The following FAM47E variants were observed in gnomAD, a reference collection of about 807,000 sequenced individuals.
The protein encoded by FAM47E is protein FAM47E.
FAM47E carries 32 observed loss-of-function variants against 41.6 expected under a neutral mutation model. That is an observed-to-expected ratio of 0.77 (90% confidence interval 0.58 to 1.03). The LOEUF (loss-of-function observed/expected upper bound fraction) is 1.03, where lower values mean the gene tolerates loss of function less well. FAM47E is among the 50% of genes least tolerant of loss of function. The pLI, the probability that FAM47E is intolerant of heterozygous loss-of-function variation, is 0.00. For synonymous variants in FAM47E, 184 were observed against 188.7 expected, an observed-to-expected ratio of 0.98 and a Z score of 0.20; for missense variants, 424 against 485.4, an observed-to-expected ratio of 0.87 and a Z score of 1.19.
chr4:76,256,562 G>A (rs1480234596), intron 2 of FAM47E, 39 bp downstream of exon 2: 1 of 1,491,358 alleles, frequency 6.7e-7, no homozygotes, highest in African/African-American at 1.4e-5. Flanking sequence ...GCTTCACTGG[G>A]GCCTTGCAAA....
intron 2 of FAM47E, among the ~76,000 whole-genome samples, chr4:76,256,787 G>A (rs768549457): frequency 3.3e-5 from 5 of 152,098 alleles, no homozygotes; most frequent in Admixed American, 6.5e-5. Flanking sequence ...AACCAGAAAC[G>A]TATGACTTCT....
In FAM47E at chr4:76,256,232, GC is replaced by G. The variant is rs945977903; in HGVS notation, c.130del (p.Gln44SerfsTer23). 19 of 1,551,590 alleles carry G rather than the reference GC, an allele frequency of 1.2e-5. No homozygotes were observed. In the Admixed American group the frequency reaches 3.7e-4, roughly 30 times the overall value. ...AGTTCCCCACCTCTCTGCACAGCCG[GC>G]AGTTGGTATTTCCAAGAAAGGGGCT... ...LKFPTSLHSR[Q>X]LVFPRKGLDD... On this transcript the variant is annotated frameshift_variant, in exon 2 of 8. Coordinates refer to ENST00000424749, the MANE Select transcript of FAM47E (RefSeq NM_001136570.3). LOFTEE classifies it high-confidence loss of function.
intron 6 of FAM47E, chr4:76,279,422 T>C (rs559974894): frequency 6.6e-6 from 1 of 152,338 alleles, no homozygotes; most frequent in South Asian, 2.1e-4. Flanking sequence ...ACATATTTCA[T>C]TTTGATGACA....
At chr4:76,266,814 C>G (rs181264254) in intron 3 of FAM47E, among the ~76,000 whole-genome samples, 1 of 152,196 alleles carries the variant, frequency 6.6e-6, no homozygotes, top group East Asian at 1.9e-4. Context: ...TTAATTACTC[C>G]GCTCCACGGG....
intron 2 of FAM47E, among the ~76,000 whole-genome samples, chr4:76,245,659 G>A (rs749914653): frequency 7.2e-5 from 11 of 152,156 alleles, no homozygotes; most frequent in Admixed American, 2.0e-4. Context: ...GTTTGACTAA[G>A]TCCTTTCAGA....
At chr4:76,218,508 C>T (rs754965502) in intron 2 of FAM47E, among the ~76,000 whole-genome samples, 42 of 152,190 alleles carry the variant, frequency 2.8e-4, no homozygotes, top group Non-Finnish European at 5.3e-4. Flanking sequence ...CCGCCTCCTC[C>T]GATCAAGAAG....
chr4:76,272,202 G>C (rs1263741712), intron 5 of FAM47E, among the ~76,000 whole-genome samples: 1 of 152,172 alleles, frequency 6.6e-6, no homozygotes, highest in South Asian at 2.1e-4. Flanking sequence ...CTTGCCTAAT[G>C]ATTAACAAGT....
intron 2 of FAM47E, among the ~76,000 whole-genome samples, chr4:76,244,350 T>C (rs911520312): frequency 6.6e-6 from 1 of 152,094 alleles, no homozygotes; most frequent in African/African-American, 2.4e-5. Context: ...TAATTTACAC[T>C]CCCACCAACA....
At chr4:76,216,130 G>A (rs1015976595) in intron 1 of FAM47E, among the ~76,000 whole-genome samples, 3 of 152,064 alleles carry the variant, frequency 2.0e-5, no homozygotes, top group African/African-American at 4.8e-5. Flanking sequence ...GTCCACAATC[G>A]GCAGCCTTTC....
intron 2 of FAM47E, among the ~76,000 whole-genome samples, chr4:76,228,402 C>A (rs1393570397): frequency 1.3e-5 from 2 of 151,706 alleles, no homozygotes; most frequent in East Asian, 3.9e-4. Flanking sequence ...TCACTTGAAC[C>A]CGGAAGGTGA....
intron 2 of FAM47E, among the ~76,000 whole-genome samples, chr4:76,237,904 A>T (rs144634631): frequency 2.0e-5 from 3 of 152,188 alleles, no homozygotes; most frequent in African/African-American, 4.8e-5. Context: ...CCGTGATCCA[A>T]TCACCTCCCA....
At chr4:76,269,095 A>C in intron 4 of FAM47E, 1 of 256,368 alleles carries the variant, frequency 3.9e-6, no homozygotes, top group South Asian at 8.6e-5. Context: ...TCTCTCTTTC[A>C]CTCCTTCAAC....
At position 76,281,956 on chromosome 4, in the gene FAM47E, C is replaced by T. The variant is rs1197045197; in HGVS notation, c.1105-1425C>T. 58 of 152,024 alleles carry T rather than the reference C, an allele frequency of 3.8e-4. 1 individual carries two copies. Among genetic ancestry groups the T allele is most frequent in the Non-Finnish European group, 5.9e-5 (4 of 67,982 alleles). 9.4% of individuals were successfully genotyped at this position (152,024 alleles called of 1,614,324 possible). ...CATTTATTATTAAGTTTAGTGAGGG[C>T]GGGGGTAGGTTAGTGAGAGATTTAG... On this transcript the variant is annotated intron_variant, in intron 7 of 7. Transcript: ENST00000424749.
intron 2 of FAM47E, among the ~76,000 whole-genome samples, chr4:76,229,232 T>C (rs1325589997): frequency 6.6e-6 from 1 of 152,224 alleles, no homozygotes; most frequent in Non-Finnish European, 1.5e-5. Flanking sequence ...TGGAAAATTG[T>C]TCATCCATGT....
intron 2 of FAM47E, among the ~76,000 whole-genome samples, chr4:76,229,582 G>A (rs559530982): frequency 3.3e-5 from 5 of 152,146 alleles, no homozygotes; most frequent in Non-Finnish European, 7.3e-5. Flanking sequence ...TGGCTTTCTG[G>A]GAGCTGAACT....
intron 2 of FAM47E, among the ~76,000 whole-genome samples, chr4:76,226,232 AAAG>A (rs1393561501): frequency 1.3e-5 from 2 of 152,186 alleles, no homozygotes; most frequent in Admixed American, 6.5e-5. Context: ...GTAATCAAAC[AAAG>A]AAGCAGGTGG....
At chr4:76,236,046 G>C (rs995856107) in intron 2 of FAM47E, among the ~76,000 whole-genome samples, 1 of 152,194 alleles carries the variant, frequency 6.6e-6, no homozygotes, top group East Asian at 1.9e-4. Context: ...TGGCACCAGA[G>C]CAAAGTATAA....
chr4:76,217,956 ATACTC>A (rs1733242705), intron 2 of FAM47E, among the ~76,000 whole-genome samples: 3 of 152,272 alleles, frequency 2.0e-5, no homozygotes, highest in Non-Finnish European at 2.9e-5. Context: ...TGTTGATACT[ATACTC>A]AAATGAGTTT....
chr4:76,226,544 T>C (rs1280465273), intron 2 of FAM47E, among the ~76,000 whole-genome samples: 3 of 152,136 alleles, frequency 2.0e-5, no homozygotes, highest in African/African-American at 7.2e-5. Context: ...TGTAGTGCTG[T>C]GGGGCAGCCT....
Sources: gnomAD v4.1 joint callset for allele counts (sites outside exome capture counted in the v4.1 genomes callset) on GRCh38, gnomAD v4.1.1 for gene constraint, MANE v1.5 for transcripts, NCBI Gene and HGNC (gene_info 2026-07-23, HGNC 2026-07-21) for gene names.